Variants in CADM2 observed in about 807,000 individuals in gnomAD.
CADM2 encodes the protein immunoglobulin superfamily member 4D.
CADM2 carries 12 observed loss-of-function variants against 49.8 expected under a neutral mutation model. The ratio of observed to expected loss-of-function variants is 0.24; its 90% CI spans 0.15 to 0.39. CADM2 has a LOEUF of 0.39. Ranked by LOEUF, CADM2 falls within the 10% of genes least tolerant of loss-of-function variation. The pLI is 1.00. For missense variants in CADM2, 378 were observed against 492.3 expected, an observed-to-expected ratio of 0.77 and a Z score of 2.20; for synonymous variants, 214 against 175.4, an observed-to-expected ratio of 1.22 and a Z score of -1.74.
chr3:85,040,236 T>A (rs1188357544), intron 1 of CADM2, among the ~76,000 whole-genome samples: 1 of 152,210 alleles, frequency 6.6e-6, no homozygotes, highest in African/African-American at 2.4e-5. Context: ...CTGAAATCAC[T>A]AAACCTATAA....
intron 1 of CADM2, among the ~76,000 whole-genome samples, chr3:85,118,071 C>G (rs779220066): frequency 2.6e-5 from 4 of 151,898 alleles, no homozygotes; most frequent in Non-Finnish European, 5.9e-5. Context: ...TATCCTACCC[C>G]TTTATTTTAA....
At chr3:85,258,500 GAA>G (rs201419422) in intron 1 of CADM2, among the ~76,000 whole-genome samples, 1 of 143,578 alleles carries the variant, frequency 7.0e-6, no homozygotes, top group African/African-American at 2.5e-5. Flanking sequence ...AAAAGAGGAG[GAA>G]AAAAAAAAAA....
intron 1 of CADM2, among the ~76,000 whole-genome samples, chr3:85,423,899 C>A (rs1428472845): frequency 6.6e-6 from 1 of 152,178 alleles, no homozygotes; most frequent in Admixed American, 6.5e-5. Flanking sequence ...TTTGTCTTCC[C>A]TATCAGATTC....
intron 1 of CADM2, among the ~76,000 whole-genome samples, chr3:85,282,266 GCC>G (rs2043519865): frequency 5.1e-5 from 4 of 78,834 alleles, no homozygotes; most frequent in African/African-American, 8.7e-5. Flanking sequence ...TTTTTTTTTT[GCC>G]TTTTTTTTTT....
intron 1 of CADM2, among the ~76,000 whole-genome samples, chr3:85,036,337 T>C (rs1307996925): frequency 1.3e-5 from 2 of 152,062 alleles, no homozygotes; most frequent in African/African-American, 4.8e-5. Flanking sequence ...TAAAATAAAC[T>C]AGATAAATTT....
chr3:85,728,837 C>T lies in CADM2; in HGVS notation c.88+2289C>T, dbSNP rs2067814683. 2.6e-5 allele frequency among the ~76,000 whole-genome samples: 4 copies of T among 152,216 alleles called. No individual in the cohort carries two copies. The South Asian group carries it at 8.3e-4, about 32-fold the overall frequency. ...AATTTCCCAGTAAGATTTTTAAACA[C>T]TCTTAAAACAACAGTTGGTGGGTAT... On this transcript the variant is annotated intron_variant, in intron 2 of 9. Coordinates refer to ENST00000383699, the MANE Select transcript of CADM2 (RefSeq NM_001167675.2).
chr3:85,646,478 G>GTA (rs1424154393), intron 1 of CADM2, among the ~76,000 whole-genome samples: 2 of 151,922 alleles, frequency 1.3e-5, no homozygotes, highest in Non-Finnish European at 2.9e-5. Context: ...GAACAAAACT[G>GTA]TGAAACAGGT....
At chr3:85,548,918 G>T (rs1197748354) in intron 1 of CADM2, among the ~76,000 whole-genome samples, 1 of 152,094 alleles carries the variant, frequency 6.6e-6, no homozygotes, top group Non-Finnish European at 1.5e-5. Context: ...AGCCTTCTGT[G>T]GCATATCTCC....
intron 1 of CADM2, among the ~76,000 whole-genome samples, chr3:85,225,413 G>T (rs2107800491): frequency 6.6e-6 from 1 of 152,242 alleles, no homozygotes; most frequent in Admixed American, 6.5e-5. Flanking sequence ...GTGTGTTACT[G>T]GTGTATAGGA....
At chr3:85,278,662 C>A (rs2043417458) in intron 1 of CADM2, among the ~76,000 whole-genome samples, 1 of 150,446 alleles carries the variant, frequency 6.6e-6, no homozygotes, top group Non-Finnish European at 1.5e-5. Context: ...ATGCTCTCTT[C>A]TGAAGTACAT....
At chr3:85,742,546 T>C (rs1341963452) in intron 2 of CADM2, among the ~76,000 whole-genome samples, 11 of 152,286 alleles carry the variant, frequency 7.2e-5, no homozygotes, top group African/African-American at 2.6e-4. Flanking sequence ...GAGGTATAAA[T>C]TGCTGTTTTA....
At chr3:85,469,161 A>C (rs2038655375) in intron 1 of CADM2, among the ~76,000 whole-genome samples, 1 of 152,164 alleles carries the variant, frequency 6.6e-6, no homozygotes, top group African/African-American at 2.4e-5. Context: ...CTAAACATGG[A>C]ATATGAGAGT....
chr3:85,036,981 G>A (rs577050446), intron 1 of CADM2, among the ~76,000 whole-genome samples: 10 of 135,152 alleles, frequency 7.4e-5, no homozygotes, highest in African/African-American at 2.2e-4. Flanking sequence ...GTGAAACCCC[G>A]TCTCTACTAA....
intron 2 of CADM2, among the ~76,000 whole-genome samples, chr3:85,754,818 AAAAC>A (rs963907197): frequency 8.5e-5 from 13 of 152,228 alleles, no homozygotes; most frequent in South Asian, 2.1e-4. Context: ...TTTTAACAAA[AAAAC>A]AAACAAACAA....
intron 1 of CADM2, among the ~76,000 whole-genome samples, chr3:85,577,821 C>T (rs897678685): frequency 6.6e-6 from 1 of 151,784 alleles, no homozygotes; most frequent in Non-Finnish European, 1.5e-5. Flanking sequence ...ATTTTATAAA[C>T]CTTTCTGTGT....
At chr3:85,189,843 A>G (rs2041163023) in intron 1 of CADM2, among the ~76,000 whole-genome samples, 1 of 151,058 alleles carries the variant, frequency 6.6e-6, no homozygotes, top group Non-Finnish European at 1.5e-5. Flanking sequence ...TGGCTGTTGG[A>G]AAGCATCAGG....
intron 1 of CADM2, among the ~76,000 whole-genome samples, chr3:85,402,394 A>T (rs2035157697): frequency 6.6e-6 from 1 of 152,100 alleles, no homozygotes; most frequent in African/African-American, 2.4e-5. Flanking sequence ...AAAGGACATC[A>T]AACTCAGTAA....
intron 1 of CADM2, among the ~76,000 whole-genome samples, chr3:85,334,650 AAAG>A (rs1254728885): frequency 4.0e-5 from 6 of 151,576 alleles, no homozygotes; most frequent in African/African-American, 1.4e-4. Context: ...GTGATCTGTT[AAAG>A]AAGATTACAA....
intron 3 of CADM2, among the ~76,000 whole-genome samples, chr3:85,828,249 C>T (rs1341061232): frequency 1.3e-5 from 2 of 151,958 alleles, no homozygotes; most frequent in East Asian, 1.9e-4. Flanking sequence ...TAATCCCAAA[C>T]ACGGGTAAAG....
Sources: gnomAD v4.1 joint callset for allele counts (sites outside exome capture counted in the v4.1 genomes callset) on GRCh38, gnomAD v4.1.1 for gene constraint, MANE v1.5 for transcripts, NCBI Gene and HGNC (gene_info 2026-07-23, HGNC 2026-07-21) for gene names.